The following MYO5A variants were observed in gnomAD, a reference collection of about 807,000 sequenced individuals.
MYO5A encodes unconventional myosin-Va.
Under a neutral mutation model 249.7 loss-of-function variants are expected in MYO5A, and 98 were observed. The observed-to-expected ratio is 0.39, with a 90% CI of 0.33 to 0.46. The LOEUF (loss-of-function observed/expected upper bound fraction) is 0.46. Among genes scored for constraint, MYO5A ranks in the 20% least tolerant of loss-of-function variants. MYO5A has a pLI of 0.98. For missense variants in MYO5A, 1,696 were observed against 2,308.8 expected (o/e 0.73, Z 5.44); for synonymous variants, 778 against 810.6 (o/e 0.96, Z 0.68).
At chr15:52,486,790 G>A (rs1051663732) in intron 1 of MYO5A, among the ~76,000 whole-genome samples, 4 of 152,150 alleles carry the variant, frequency 2.6e-5, no homozygotes, top group Non-Finnish European at 5.9e-5. Context: ...AAGGCCAAGG[G>A]TGTACACCTG....
rs1227869257 is a variant in MYO5A, at chr15:52,469,333, TA to T, written c.28-36049del. 4.6e-5 allele frequency among the ~76,000 whole-genome samples: 7 copies of T among 152,184 alleles called. 1 individual carries two copies. On this transcript the variant is annotated intron_variant, in intron 1 of 41. Coordinates refer to ENST00000399233, the MANE Select transcript of MYO5A (RefSeq NM_001382347.1). ...ATTAACACATATTCTGTATATGTAT[TA>T]AAATACCATATTTTTACAATAAAGT...
At chr15:52,324,741 A>AT (rs951745353) in intron 36 of MYO5A, among the ~76,000 whole-genome samples, 6 of 151,380 alleles carry the variant, frequency 4.0e-5, no homozygotes, top group South Asian at 2.1e-4. Context: ...TCATTATATC[A>AT]TTTTTTTTTA....
chr15:52,384,136 G>C (rs780418053), intron 15 of MYO5A, 25 bp downstream of exon 15: 1 of 1,613,638 alleles, frequency 6.2e-7, no homozygotes, highest in Non-Finnish European at 8.5e-7. Flanking sequence ...GAAGGAGCGT[G>C]GCAGCGGCAG....
chr15:52,512,134 G>A (rs967351790), intron 1 of MYO5A, among the ~76,000 whole-genome samples: 13 of 146,602 alleles, frequency 8.9e-5, no homozygotes, highest in Non-Finnish European at 1.6e-4. Flanking sequence ...CTGCACTCCA[G>A]CCTAGGCGAC....
At chr15:52,329,976 TTTTTTC>T (rs2038807336) in intron 35 of MYO5A, among the ~76,000 whole-genome samples, 2 of 118,932 alleles carry the variant, frequency 1.7e-5, no homozygotes, top group African/African-American at 1.1e-4. Flanking sequence ...GCCTTGAGGG[TTTTTTC>T]TTTTTCTTTT....
intron 1 of MYO5A, among the ~76,000 whole-genome samples, chr15:52,434,124 C>T (rs1022520375): frequency 4.0e-5 from 6 of 151,772 alleles, no homozygotes; most frequent in Non-Finnish European, 7.4e-5. Flanking sequence ...CTCAGCCTCA[C>T]GAGTAGCTGG....
At chr15:52,448,957 C>CTTTTTTTTTTTTTTTTTTTTT (rs145765339) in intron 1 of MYO5A, among the ~76,000 whole-genome samples, 3 of 55,580 alleles carry the variant, frequency 5.4e-5, no homozygotes, top group African/African-American at 8.5e-5. Flanking sequence ...TCTTGTCTTT[C>CTTTTTTTTTTTTTTTTTTTTT]TTTTTTTTTT....
Position 52,327,882 on chromosome 15 carries a change from T to C in MYO5A, c.4680A>G (p.Ser1560=), listed in dbSNP as rs775406550. 13 of 1,613,874 alleles carry C rather than the reference T, an allele frequency of 8.1e-6. No homozygotes were observed. Among genetic ancestry groups the C allele is most frequent in the Non-Finnish European group, 1.0e-5 (12 of 1,179,880 alleles). The part of the protein sequence containing the change: ...DDQKVRSLLT[S]TINSIKKVLK... ...ATACTTTTTTGATGCTGTTAATTGT[T>C]GATGTTAGCAACGACCTTACTTTCT... Residue 1560 remains serine, a synonymous_variant, in exon 36 of 42, where the codon TCA becomes TCG. Coordinates refer to ENST00000399233, the MANE Select transcript of MYO5A (RefSeq NM_001382347.1).
intron 1 of MYO5A, among the ~76,000 whole-genome samples, chr15:52,500,718 T>C (rs2077138094): frequency 6.6e-6 from 1 of 152,146 alleles, no homozygotes; most frequent in Non-Finnish European, 1.5e-5. Context: ...GTAGAAATTC[T>C]TTATGGATTT....
chr15:52,313,684 T>C lies in MYO5A; in HGVS notation c.*12A>G, dbSNP rs764774962. ...AAGAAATGTATTGTCAATTTTTGCC[T>C]GGACATCACTTTCAGACCCGTGAAA... On this transcript the variant is annotated 3_prime_UTR_variant, in exon 42 of 42. Coordinates refer to ENST00000399233, the MANE Select transcript of MYO5A (RefSeq NM_001382347.1). The C allele has an allele frequency of 1.7e-5, 28 of 1,614,048 alleles. 1 individual carries two copies. In the South Asian group the frequency reaches 3.0e-4, roughly 17 times the overall value.
intron 5 of MYO5A, among the ~76,000 whole-genome samples, chr15:52,411,270 C>A (rs970031918): frequency 6.6e-6 from 1 of 152,158 alleles, no homozygotes; most frequent in East Asian, 1.9e-4. Context: ...GTTTCTATCA[C>A]CTTATCCTGT....
intron 39 of MYO5A, among the ~76,000 whole-genome samples, chr15:52,317,622 T>C (rs1386796337): frequency 6.6e-6 from 1 of 152,200 alleles, no homozygotes; most frequent in African/African-American, 2.4e-5. Flanking sequence ...TGATAATCCT[T>C]GAAGCACTCT....
At position 52,372,491 on chromosome 15, in the gene MYO5A, C is replaced by T. The variant is rs148562913; in HGVS notation, c.2578-128G>A. 133 of 1,258,782 alleles carry T rather than the reference C, an allele frequency of 1.1e-4. No individual in the cohort carries two copies. In the African/African-American group the frequency reaches 1.7e-3, roughly 16 times the overall value. The allele number at this position is 1,258,782 out of a possible 1,614,324, so 78.0% of individuals were successfully genotyped here. ...ACATAAAAGTTGAATTGACAATGTA[C>T]TATGTAGATTATACTTATCACAGAT... On this transcript the variant is annotated intron_variant, in intron 20 of 41. Coordinates refer to ENST00000399233, the MANE Select transcript of MYO5A (RefSeq NM_001382347.1).
At chr15:52,496,156 C>G (rs1239536478) in intron 1 of MYO5A, among the ~76,000 whole-genome samples, 1 of 151,906 alleles carries the variant, frequency 6.6e-6, no homozygotes, top group Non-Finnish European at 1.5e-5. Flanking sequence ...TAAGCTAAGG[C>G]AGGCAAAGAA....
At chr15:52,463,852 G>A (rs551019719) in intron 1 of MYO5A, among the ~76,000 whole-genome samples, 1 of 152,316 alleles carries the variant, frequency 6.6e-6, no homozygotes, top group African/African-American at 2.4e-5. Flanking sequence ...TGGAAGAAGA[G>A]CATAAATTTT....
intron 1 of MYO5A, among the ~76,000 whole-genome samples, chr15:52,498,793 T>C (rs1457768653): frequency 6.6e-6 from 1 of 152,216 alleles, no homozygotes; most frequent in Non-Finnish European, 1.5e-5. Context: ...TATATTCTTG[T>C]CAATTTTTTC....
intron 1 of MYO5A, 128 bp from the exon 2 acceptor site, chr15:52,433,413 CTTTT>C (rs151276395): frequency 0.025 from 6,705 of 272,040 alleles, 4 homozygotes; most frequent in East Asian, 0.089. Context: ...ATGAAATTCA[CTTTT>C]TTTTTTTTTT....
intron 1 of MYO5A, among the ~76,000 whole-genome samples, chr15:52,461,911 A>C (rs904456411): frequency 8.0e-5 from 12 of 150,526 alleles, no homozygotes; most frequent in East Asian, 7.8e-4. Context: ...TGGTGAGCTG[A>C]GATCGCGCCA....
intron 19 of MYO5A, among the ~76,000 whole-genome samples, 192 bp from the exon 20 acceptor site, chr15:52,375,652 A>G (rs1409669378): frequency 2.0e-5 from 3 of 152,222 alleles, no homozygotes; most frequent in Non-Finnish European, 4.4e-5. Context: ...TTCCCAAAGT[A>G]TTTTTGCATT....
Sources: gnomAD v4.1 joint callset for allele counts (sites outside exome capture counted in the v4.1 genomes callset) on GRCh38, gnomAD v4.1.1 for gene constraint, MANE v1.5 for transcripts, NCBI Gene and HGNC (gene_info 2026-07-23, HGNC 2026-07-21) for gene names.